The following GAB2 variants were observed in gnomAD, a reference collection of about 807,000 sequenced individuals.
The protein encoded by GAB2 is GRB2-associated-binding protein 2.
In GAB2, 26 loss-of-function variants were observed where a neutral mutation model predicts 65.5. The observed-to-expected ratio is 0.40, with a 90% CI of 0.29 to 0.55. The LOEUF is 0.55. GAB2 is among the 20% of genes least tolerant of loss of function. The pLI, the probability that GAB2 is intolerant of heterozygous loss-of-function variation, is 0.53. For synonymous variants in GAB2, 321 were observed against 329.6 expected (o/e 0.97, Z 0.28); for missense variants, 884 against 875.8 (o/e 1.01, Z -0.12).
chr11:78,323,920 C>T (rs1002279842), intron 1 of GAB2, among the ~76,000 whole-genome samples: 1 of 151,396 alleles, frequency 6.6e-6, no homozygotes, highest in African/African-American at 2.4e-5. Flanking sequence ...CCCTCAGCCT[C>T]CCGAGTAGCT....
intron 1 of GAB2, among the ~76,000 whole-genome samples, chr11:78,340,844 G>C (rs992501061): frequency 3.9e-5 from 6 of 152,106 alleles, no homozygotes; most frequent in Non-Finnish European, 8.8e-5. Context: ...ATTTGCCCAA[G>C]GTAAATCTAG....
At chr11:78,299,519 G>A (rs917491273) in intron 1 of GAB2, among the ~76,000 whole-genome samples, 1 of 152,214 alleles carries the variant, frequency 6.6e-6, no homozygotes, top group African/African-American at 2.4e-5. Flanking sequence ...TAGCCATCTG[G>A]AGTCCAGTAC....
intron 1 of GAB2, among the ~76,000 whole-genome samples, chr11:78,404,867 T>C (rs994387690): frequency 2.0e-5 from 3 of 152,202 alleles, no homozygotes; most frequent in Non-Finnish European, 4.4e-5. Flanking sequence ...TAGTTAACAA[T>C]AATTTATTGT....
At chr11:78,315,014 A>T (rs1352698597) in intron 1 of GAB2, among the ~76,000 whole-genome samples, 1 of 152,234 alleles carries the variant, frequency 6.6e-6, no homozygotes, top group African/African-American at 2.4e-5. Flanking sequence ...GGGAGACAGC[A>T]GATAAAGCTC....
At chr11:78,266,644 G>A (rs934576864) in intron 2 of GAB2, among the ~76,000 whole-genome samples, 6 of 152,188 alleles carry the variant, frequency 3.9e-5, no homozygotes, top group Admixed American at 2.6e-4. Flanking sequence ...AGCCAGGCAC[G>A]GTTCAGTTAA....
chr11:78,400,944 G>A (rs7101517), intron 1 of GAB2, among the ~76,000 whole-genome samples: 6,461 of 143,806 alleles, frequency 0.045, 483 homozygotes, highest in African/African-American at 0.16. Context: ...TTCATTAAGC[G>A]AAGCAGCAGG....
chr11:78,235,788 C>T (rs996449627), intron 3 of GAB2, among the ~76,000 whole-genome samples: 6 of 152,156 alleles, frequency 3.9e-5, no homozygotes, highest in Non-Finnish European at 8.8e-5. Context: ...ACAGCCATTC[C>T]ACAAGTCTCT....
rs1273835803 is a variant in GAB2 at position 78,239,229 on chromosome 11, G to GT, written c.620+10927dup. Reference sequence around the variant, plus strand: ...AAATTTTAATTTAATTTAATTTTATGTATTTTTTTGAGATAGAGTCTTGCT... The same window carrying GT: ...AAATTTTAATTTAATTTAATTTTATGTTATTTTTTTGAGATAGAGTCTTGCT... On this transcript the variant is annotated intron_variant, in intron 3 of 9. Transcript: ENST00000361507. Among the ~76,000 whole-genome samples the GT allele has an allele frequency of 1.4e-4, 22 of 152,070 alleles. No individual in the cohort carries two copies. In the East Asian group the frequency reaches 4.2e-3, roughly 29 times the overall value.
In GAB2 at chr11:78,322,070, C is replaced by T. The variant is rs111443442; in HGVS notation, c.76-41169G>A. On this transcript the variant is annotated intron_variant, in intron 1 of 9. Transcript: ENST00000361507. ...CTGTAATCCCAGCACTCTGGGAGGC[C>T]GAGGTGGGCGGGTCACCTGAGGTCA... Among the ~76,000 whole-genome samples, 144 of 151,878 alleles carry T rather than the reference C, an allele frequency of 9.5e-4. 1 individual carries two copies. The highest frequency in any genetic ancestry group is 6.8e-3 in the Middle Eastern group (2 of 294).
At chr11:78,229,256 G>A (rs771166312) in intron 3 of GAB2, among the ~76,000 whole-genome samples, 6 of 151,206 alleles carry the variant, frequency 4.0e-5, no homozygotes, top group Non-Finnish European at 8.9e-5. Context: ...GGGAAATGGT[G>A]TTCTAGTTGA....
At chr11:78,243,349 T>G (rs1724642271) in intron 3 of GAB2, among the ~76,000 whole-genome samples, 1 of 152,050 alleles carries the variant, frequency 6.6e-6, no homozygotes, top group Non-Finnish European at 1.5e-5. Context: ...GCGCCTGTAG[T>G]CCCAGCTACC....
intron 1 of GAB2, chr11:78,341,655 C>G: frequency 2.0e-6 from 1 of 488,398 alleles, no homozygotes; most frequent in South Asian, 8.8e-5. Context: ...TTGGTTACAC[C>G]TAATGTCACT....
intron 1 of GAB2, among the ~76,000 whole-genome samples, chr11:78,331,321 C>T (rs1855910615): frequency 6.6e-6 from 1 of 150,846 alleles, no homozygotes; most frequent in Admixed American, 6.6e-5. Context: ...TCTCGGCTCA[C>T]TGCAATCTCT....
chr11:78,321,447 C>G (rs1855722483), intron 1 of GAB2, among the ~76,000 whole-genome samples: 1 of 152,158 alleles, frequency 6.6e-6, no homozygotes, highest in South Asian at 2.1e-4. Context: ...AAGTTCCTTG[C>G]AAGCAGGAAA....
At chr11:78,288,396 A>AG (rs1554983796) in intron 1 of GAB2, among the ~76,000 whole-genome samples, 118 of 149,886 alleles carry the variant, frequency 7.9e-4, no homozygotes, top group African/African-American at 2.7e-3. Flanking sequence ...AAAAAAAAAA[A>AG]AAGAAGAAGA....
intron 2 of GAB2, among the ~76,000 whole-genome samples, chr11:78,276,548 G>T (rs1866176526): frequency 6.6e-6 from 1 of 152,114 alleles, no homozygotes; most frequent in Non-Finnish European, 1.5e-5. Context: ...CTGGTTGCAT[G>T]CCTGTCCCCT....
intron 1 of GAB2, among the ~76,000 whole-genome samples, chr11:78,364,885 T>C (rs1373433584): frequency 6.6e-6 from 1 of 152,156 alleles, no homozygotes; most frequent in Non-Finnish European, 1.5e-5. Context: ...TCCCAGGTAA[T>C]AGCACCTTTT....
In GAB2 at chr11:78,274,557, A is replaced by G. The variant is rs151214185; in HGVS notation, c.376+6044T>C. ...TGAGAACAGAAAGTATTTTATCCCT[A>G]TTTTATAAAAGGAAGTTGAGACTTT... On this transcript the variant is annotated intron_variant, in intron 2 of 9. Transcript: ENST00000361507. Among the ~76,000 whole-genome samples, 141 of 152,306 alleles carry G rather than the reference A, an allele frequency of 9.3e-4. 1 individual carries two copies. The highest frequency in any genetic ancestry group is 3.2e-3 in the African/African-American group (135 of 41,566).
At chr11:78,407,633 C>CAAAAAAAGAAAG (rs1555001651) in intron 1 of GAB2, among the ~76,000 whole-genome samples, 4 of 93,412 alleles carry the variant, frequency 4.3e-5, no homozygotes, top group African/African-American at 1.4e-4. Flanking sequence ...AACTCCTTCT[C>CAAAAAAAGAAAG]AAAGAAAGAA....
Sources: allele counts gnomAD v4.1 joint callset (sites outside exome capture counted in the v4.1 genomes callset), GRCh38; gene constraint gnomAD v4.1.1; transcripts MANE v1.5; gene names NCBI Gene and HGNC (gene_info 2026-07-23, HGNC 2026-07-21).